ARHGEF11: variants seen among roughly 807,000 people sequenced by gnomAD.
The protein encoded by ARHGEF11 is Rho guanine exchange factor (GEF) 11.
In ARHGEF11, 55 loss-of-function variants were observed where a neutral mutation model predicts 193.7. The ratio of observed to expected loss-of-function variants is 0.28; its 90% CI spans 0.23 to 0.36. The LOEUF (loss-of-function observed/expected upper bound fraction) is 0.36. Among genes scored for constraint, ARHGEF11 ranks in the 10% least tolerant of loss-of-function variants. ARHGEF11 has a pLI of 1.00. For missense variants in ARHGEF11, 1,723 were observed against 2,005.6 expected, an observed-to-expected ratio of 0.86 and a Z score of 2.69; for synonymous variants, 693 against 768.0, an observed-to-expected ratio of 0.90 and a Z score of 1.62.
chr1:157,029,163 G>C (rs1033838627), intron 1 of ARHGEF11, among the ~76,000 whole-genome samples: 5 of 127,566 alleles, frequency 3.9e-5, no homozygotes, highest in Admixed American at 2.6e-4. Flanking sequence ...GTGAGACCCT[G>C]TCTCAAAAAA....
intron 15 of ARHGEF11, among the ~76,000 whole-genome samples, chr1:156,960,131 A>AG (rs2102145443): frequency 6.6e-6 from 1 of 152,150 alleles, no homozygotes; most frequent in South Asian, 2.1e-4. Flanking sequence ...GAGGTCATGT[A>AG]GAAGGCTGGC....
At position 156,938,611 on chromosome 1, in the gene ARHGEF11, CA is replaced by C. The variant is rs977156992; in HGVS notation, c.4097-99del. The C allele has an allele frequency of 7.0e-6, 8 of 1,138,142 alleles. No individual in the cohort carries two copies. The African/African-American group carries it at 1.1e-4, about 15-fold the overall frequency. 70.5% of individuals were successfully genotyped at this position (1,138,142 alleles called of 1,614,324 possible). ...AAGGAGAGAGGGCAGGAGGTGGGGA[CA>C]GGGGGAGGAGAAAATGGGAAGAACA... On this transcript the variant is annotated intron_variant, in intron 37 of 40. Transcript: ENST00000368194.
chr1:157,002,031 G>A (rs1377325265), intron 1 of ARHGEF11, among the ~76,000 whole-genome samples: 1 of 152,208 alleles, frequency 6.6e-6, no homozygotes, highest in Non-Finnish European at 1.5e-5. Flanking sequence ...GTGGTTGCAT[G>A]TGCATGTATG....
Position 157,045,019 on chromosome 1 carries a change from T to TA in ARHGEF11, c.-690dup, listed in dbSNP as rs1277428909. On this transcript the variant is annotated 5_prime_UTR_variant, in exon 1 of 41. Coordinates refer to ENST00000368194, the MANE Select transcript of ARHGEF11 (RefSeq NM_198236.3). ...GGGAACCAAAATTTATGGACTTCCT[T>TA]AAAAAAAAAAAAGCTTTTACATTAA... The TA allele has an allele frequency of 2.7e-3, 347 of 127,756 alleles. No homozygotes were observed. Among genetic ancestry groups the TA allele is most frequent in the African/African-American group, 2.8e-3 (93 of 33,756 alleles). The allele number at this position is 127,756 out of a possible 1,614,324, so 7.9% of individuals were successfully genotyped here.
In ARHGEF11 at chr1:156,984,360, G is replaced by C; in HGVS notation, c.202C>G (p.Leu68Val). 6.3e-7 allele frequency: 1 copy of C among 1,593,560 alleles called. No individual in the cohort carries two copies. The highest frequency in any genetic ancestry group is 8.5e-7 in the Non-Finnish European group (1 of 1,169,718). ...GFTVSGDRIV[L>V]VQSVRPGGAA... The stretch of plus-strand genomic sequence containing the variant: ...TCACCAGGCCGCACAGACTGCACCA[G>C]AACAATGCGATCCCCACTGACTGTG... Residue 68 changes from leucine to valine, a missense_variant, in exon 3 of 41, where the codon CTG (leucine) becomes GTG (valine). Transcript: ENST00000368194.
At chr1:156,963,636 G>T (rs1347409256) in intron 11 of ARHGEF11, 42 bp from the exon 12 acceptor site, 2 of 1,598,624 alleles carry the variant, frequency 1.3e-6, no homozygotes, top group African/African-American at 1.4e-5. Context: ...AGGTTATAGA[G>T]GACAGAGGAT....
At chr1:156,958,168 A>T (rs1200204333) in intron 17 of ARHGEF11, among the ~76,000 whole-genome samples, 2 of 152,198 alleles carry the variant, frequency 1.3e-5, no homozygotes, top group Non-Finnish European at 2.9e-5. Context: ...AATTGCTTCT[A>T]AGCCTGAAGT....
chr1:157,046,167 C>CCCCGG (rs1673305546), upstream of ARHGEF11, among the ~76,000 whole-genome samples: 1 of 150,944 alleles, frequency 6.6e-6, no homozygotes, highest in South Asian at 2.1e-4. Context: ...TCAGCCGGAT[C>CCCCGG]CCCGGCCCGG....
At chr1:156,984,279 C>CACAT (rs1664614259) in intron 3 of ARHGEF11, 60 bp downstream of exon 3, 8 of 1,349,142 alleles carry the variant, frequency 5.9e-6, no homozygotes, top group Non-Finnish European at 6.2e-6. Flanking sequence ...ATGGCACTGT[C>CACAT]ACATACATGG....
At chr1:157,036,851 C>T (rs1461884315) in intron 1 of ARHGEF11, among the ~76,000 whole-genome samples, 2 of 152,086 alleles carry the variant, frequency 1.3e-5, no homozygotes, top group African/African-American at 2.4e-5. Context: ...CAGGGCAGTG[C>T]ACGGTGGCTT....
chr1:156,954,717 C>T (rs1039276829), intron 21 of ARHGEF11, among the ~76,000 whole-genome samples, 175 bp downstream of exon 21: 12 of 152,196 alleles, frequency 7.9e-5, no homozygotes, highest in Admixed American at 7.8e-4. Context: ...GGGTTTGCAG[C>T]ACACAGCAGC....
intron 1 of ARHGEF11, among the ~76,000 whole-genome samples, chr1:157,029,413 A>G (rs1671038369): frequency 1.3e-5 from 2 of 152,108 alleles, no homozygotes; most frequent in South Asian, 4.1e-4. Flanking sequence ...CTGGGACTAC[A>G]GGCACCTACC....
chr1:156,942,099 C>T (rs1325764433), intron 33 of ARHGEF11, 110 bp from the exon 34 acceptor site: 1 of 1,536,416 alleles, frequency 6.5e-7, no homozygotes, highest in Non-Finnish European at 8.9e-7. Flanking sequence ...GAACCCTCTG[C>T]CTGGCAGGTG....
intron 21 of ARHGEF11, among the ~76,000 whole-genome samples, chr1:156,952,147 A>G (rs148677100): frequency 1.3e-5 from 2 of 152,176 alleles, no homozygotes; most frequent in African/African-American, 4.8e-5. Flanking sequence ...AGAGTTCTTT[A>G]TTTGTTTTTC....
Position 156,963,386 on chromosome 1 carries a change from C to T in ARHGEF11, c.1039-82G>A, listed in dbSNP as rs539411155. 3.7e-5 allele frequency: 55 copies of T among 1,495,476 alleles called. No homozygotes were observed. The East Asian group carries it at 7.5e-4, about 20-fold the overall frequency. The allele number at this position is 1,495,476 out of a possible 1,614,324, so 92.6% of individuals were successfully genotyped here. ...CCAGCTTAGCTCCCATGTGATTCCC[C>T]GTCCTGGGTTCATAACAGGAGGCTC... On this transcript the variant is annotated intron_variant, in intron 12 of 40. Transcript: ENST00000368194.
chr1:156,997,529 G>A (rs1034129470), intron 1 of ARHGEF11, among the ~76,000 whole-genome samples: 1 of 152,164 alleles, frequency 6.6e-6, no homozygotes, highest in Non-Finnish European at 1.5e-5. Flanking sequence ...GAGCAGATGT[G>A]CACCTGAAAG....
chr1:156,942,596 G>T, intron 33 of ARHGEF11, 94 bp downstream of exon 33: 1 of 1,155,030 alleles, frequency 8.7e-7, no homozygotes, highest in Non-Finnish European at 1.3e-6. Flanking sequence ...CTGCTTTGGG[G>T]CCCAAACCTG....
intron 29 of ARHGEF11, 59 bp from the exon 30 acceptor site, chr1:156,945,256 C>T (rs1657904688): frequency 7.7e-6 from 12 of 1,558,742 alleles, no homozygotes; most frequent in Non-Finnish European, 9.6e-6. Flanking sequence ...CAACATGGCG[C>T]CAGCTGTTAT....
chr1:157,014,476 T>C (rs1349715614), intron 1 of ARHGEF11, among the ~76,000 whole-genome samples: 1 of 152,078 alleles, frequency 6.6e-6, no homozygotes, highest in Non-Finnish European at 1.5e-5. Flanking sequence ...GGTGCCACTG[T>C]AGCTTACCGC....
Sources: allele counts gnomAD v4.1 joint callset (sites outside exome capture counted in the v4.1 genomes callset), GRCh38; gene constraint gnomAD v4.1.1; transcripts MANE v1.5; gene names NCBI Gene and HGNC (gene_info 2026-07-23, HGNC 2026-07-21).